The following MLF1 variants were observed in gnomAD, a reference collection of about 807,000 sequenced individuals.
MLF1 encodes the protein myeloid leukemia factor 1, also known as myelodysplasia-myeloid leukemia factor 1.
Under a neutral mutation model 38.3 loss-of-function variants are expected in MLF1, and 37 were observed. The observed-to-expected ratio is 0.96, with a 90% CI of 0.74 to 1.27. The LOEUF (loss-of-function observed/expected upper bound fraction) is 1.27. Ranked by LOEUF, MLF1 falls within the 50% of genes most tolerant of loss-of-function variation. The probability of loss-of-function intolerance (pLI) is 0.00; values close to 1 mark genes in which losing one functional copy is unlikely to be tolerated. For synonymous variants in MLF1, 95 were observed against 106.5 expected (o/e 0.89, Z 0.66); for missense variants, 331 against 349.2 (o/e 0.95, Z 0.42).
At chr3:158,596,815 T>C in intron 3 of MLF1, 47 bp from the exon 4 acceptor site, 2 of 1,268,104 alleles carry the variant, frequency 1.6e-6, no homozygotes, top group Admixed American at 2.1e-5. Flanking sequence ...TTTGCATCTT[T>C]TGTGTTGTTA....
intron 7 of MLF1, among the ~76,000 whole-genome samples, chr3:158,603,456 G>T (rs1305282975): frequency 6.6e-6 from 1 of 152,222 alleles, no homozygotes; most frequent in Non-Finnish European, 1.5e-5. Context: ...TATTTTGGAA[G>T]AATTTTGCAA....
chr3:158,576,007 ATTG>A (rs1411533042), intron 1 of MLF1, among the ~76,000 whole-genome samples: 1 of 152,200 alleles, frequency 6.6e-6, no homozygotes, highest in Non-Finnish European at 1.5e-5. Flanking sequence ...CTGTGGTTAA[ATTG>A]TTAATTGCTT....
At chr3:158,597,228 GA>G (rs1422741193) in intron 4 of MLF1, among the ~76,000 whole-genome samples, 1 of 151,684 alleles carries the variant, frequency 6.6e-6, no homozygotes, top group Non-Finnish European at 1.5e-5. Flanking sequence ...CTCCAAGTTT[GA>G]AAAATAATGT....
intron 7 of MLF1, among the ~76,000 whole-genome samples, chr3:158,604,753 G>A (rs1014414038): frequency 2.0e-5 from 3 of 152,116 alleles, no homozygotes; most frequent in African/African-American, 7.2e-5. Context: ...CCACCTCCCA[G>A]GTTCAGGCAA....
At chr3:158,584,719 A>ACC (rs1301010756) in intron 1 of MLF1, among the ~76,000 whole-genome samples, 45 of 145,350 alleles carry the variant, frequency 3.1e-4, no homozygotes, top group African/African-American at 1.2e-3. Flanking sequence ...TTATGTATAT[A>ACC]CCCCCCCCTA....
At chr3:158,596,747 G>C in intron 3 of MLF1, 115 bp from the exon 4 acceptor site, 1 of 588,452 alleles carries the variant, frequency 1.7e-6, no homozygotes, top group South Asian at 2.6e-5. Context: ...GTTGATTACT[G>C]CATGAGATTT....
chr3:158,571,364 AG>A lies in MLF1; in HGVS notation c.47+19del. 1 of 1,612,980 alleles carries A rather than the reference AG, an allele frequency of 6.2e-7. No individual in the cohort carries two copies. Among genetic ancestry groups the A allele is most frequent in the Non-Finnish European group, 8.5e-7 (1 of 1,179,832 alleles). ...CTTCTTCTCGTGAGTTACGGGAGCC[AG>A]GAGTCCGGGGTCGCGCGGGAATTAA... On this transcript the variant is annotated intron_variant, in intron 1 of 7. Coordinates refer to ENST00000466246, the MANE Select transcript of MLF1 (RefSeq NM_001369783.1).
At chr3:158,586,278 TA>T in intron 1 of MLF1, among the ~76,000 whole-genome samples, 1 of 151,748 alleles carries the variant, frequency 6.6e-6, no homozygotes, top group East Asian at 1.9e-4. Context: ...AAAATATATA[TA>T]AAAAAACCAT....
intron 6 of MLF1, among the ~76,000 whole-genome samples, chr3:158,601,806 C>CTTTTTTT (rs1188640734): frequency 6.2e-5 from 6 of 96,048 alleles, no homozygotes; most frequent in African/African-American, 8.3e-5. Flanking sequence ...TAAAATTATT[C>CTTTTTTT]TTTTTTTTTT....
At chr3:158,588,741 C>T (rs539003480) in intron 1 of MLF1, 3 of 327,962 alleles carry the variant, frequency 9.1e-6, no homozygotes, top group South Asian at 7.6e-5. Flanking sequence ...TCATAAAAAA[C>T]AGATATTTAT....
At chr3:158,601,521 G>A (rs1376542467) in intron 6 of MLF1, among the ~76,000 whole-genome samples, 1 of 152,100 alleles carries the variant, frequency 6.6e-6, no homozygotes, top group African/African-American at 2.4e-5. Context: ...AGTGAGCCAA[G>A]ATCGAGCCCT....
chr3:158,576,792 C>T (rs1715514446), intron 1 of MLF1, among the ~76,000 whole-genome samples: 1 of 151,832 alleles, frequency 6.6e-6, no homozygotes, highest in South Asian at 2.1e-4. Context: ...CCTGCCTCAG[C>T]CTCCTGAGTA....
chr3:158,595,807 G>C (rs181011935), intron 3 of MLF1, among the ~76,000 whole-genome samples: 367 of 152,200 alleles, frequency 2.4e-3, no homozygotes, highest in African/African-American at 8.6e-3. Flanking sequence ...AACTTAGGAG[G>C]ATTCAGAGCT....
chr3:158,600,114 C>G lies in MLF1; in HGVS notation c.554C>G (p.Ser185Ter). The change falls in exon 6 of 8, where the codon TCA becomes TGA. Residue 185 changes from serine (S) to a stop codon, truncating the protein, a stop_gained. Coordinates refer to ENST00000466246, the MANE Select transcript of MLF1 (RefSeq NM_001369783.1). LOFTEE classifies it high-confidence loss of function. ...IHDRAHVIKK[S>*]KNKKTGDEEV... ...GACCGAGCTCATGTCATTAAAAAGTCAAAGAACAAGAAGACTGGAGATGAA... is the reference window on the plus strand; with the variant it reads ...GACCGAGCTCATGTCATTAAAAAGTGAAAGAACAAGAAGACTGGAGATGAA... 2.0e-6 allele frequency: 3 copies of G among 1,478,056 alleles called. No individual in the cohort carries two copies. Among genetic ancestry groups the G allele is most frequent in the Non-Finnish European group, 2.7e-6 (3 of 1,106,970 alleles). The allele number at this position is 1,478,056 out of a possible 1,614,324, so 91.6% of individuals were successfully genotyped here. A position where few individuals can be genotyped will look rare whatever the true frequency, so the allele number is the denominator to read the frequency against.
rs1364162248 is a variant in MLF1 at position 158,593,400 on chromosome 3, G to A, written c.214G>A (p.Val72Met). The A allele has an allele frequency of 1.3e-6, 2 of 1,560,718 alleles. No homozygotes were observed. The highest frequency in any genetic ancestry group is 1.3e-5 in the African/African-American group (1 of 74,238). The change falls in exon 3 of 8, where the codon GTG (valine) becomes ATG (methionine). Residue 72 changes from valine (V) to methionine (M), a missense_variant. By Grantham distance (21) the Val-to-Met change is conservative (BLOSUM62 1). Coordinates refer to ENST00000466246, the MANE Select transcript of MLF1 (RefSeq NM_001369783.1). ...TTTCCAGGCAACGAGTTGTTCTCTT[G>A]TGCCTTTTGGCGATTTTGGTGGTAT... ...DSLTATSCSL[V>M]PFGDFGGMHT...
intron 6 of MLF1, among the ~76,000 whole-genome samples, chr3:158,602,258 G>A (rs1446831121): frequency 6.6e-6 from 1 of 152,160 alleles, no homozygotes; most frequent in Non-Finnish European, 1.5e-5. Flanking sequence ...GAAAAATTGA[G>A]TGAAGGAACA....
Position 158,582,140 on chromosome 3 carries a change from A to C in MLF1, c.48-10294A>C, listed in dbSNP as rs557444249. On this transcript the variant is annotated intron_variant, in intron 1 of 7. Coordinates refer to ENST00000466246, the MANE Select transcript of MLF1 (RefSeq NM_001369783.1). Reference sequence around the variant, plus strand: ...GGTTGCAGTGAGCTGAGATCGTGCCATTGCACTCCAGCCTGGGCAACAGAG... The same window carrying C: ...GGTTGCAGTGAGCTGAGATCGTGCCCTTGCACTCCAGCCTGGGCAACAGAG... 2.0e-5 allele frequency among the ~76,000 whole-genome samples: 3 copies of C among 152,206 alleles called. No individual in the cohort carries two copies. The East Asian group carries it at 5.8e-4, about 29-fold the overall frequency.
At chr3:158,576,564 A>C (rs545661011) in intron 1 of MLF1, among the ~76,000 whole-genome samples, 1 of 152,352 alleles carries the variant, frequency 6.6e-6, no homozygotes, top group South Asian at 2.1e-4. Context: ...AGCTACAAAA[A>C]TGTAATTCTG....
At chr3:158,597,029 A>C (rs953972367) in intron 4 of MLF1, 84 bp downstream of exon 4, 1 of 776,674 alleles carries the variant, frequency 1.3e-6, no homozygotes, top group African/African-American at 1.8e-5. Flanking sequence ...CACTTTTTTA[A>C]CCATAGTGGT....
Sources: gnomAD v4.1 joint callset for allele counts (sites outside exome capture counted in the v4.1 genomes callset) on GRCh38, gnomAD v4.1.1 for gene constraint, MANE v1.5 for transcripts, NCBI Gene and HGNC (gene_info 2026-07-23, HGNC 2026-07-21) for gene names.